The following AP2A2 variants were observed in gnomAD, a reference collection of about 807,000 sequenced individuals.
AP2A2 encodes adaptor related protein complex 2 subunit alpha 2.
AP2A2 carries 32 observed loss-of-function variants against 104.2 expected under a neutral mutation model. The ratio of observed to expected loss-of-function variants is 0.31; its 90% CI spans 0.23 to 0.41. AP2A2 has a LOEUF of 0.41. Among genes scored for constraint, AP2A2 ranks in the 10% least tolerant of loss-of-function variants. The probability of loss-of-function intolerance (pLI) is 1.00; values close to 1 mark genes in which losing one functional copy is unlikely to be tolerated. For missense variants in AP2A2, 912 were observed against 1,261.0 expected (o/e 0.72, Z 4.19); for synonymous variants, 539 against 533.3 (o/e 1.01, Z -0.15).
rs1316806178 is a variant in AP2A2, at chr11:986,789, C to G, written c.967C>G (p.Pro323Ala). Residue 323 changes from proline to alanine, a missense_variant, in exon 9 of 22, where the codon CCG becomes GCG. By Grantham distance (27) the Pro-to-Ala change is conservative (BLOSUM62 -1). Transcript: ENST00000448903. ...ISLIIHHDSEPNLLVRACNQL... is the reference protein window; with the variant it reads ...ISLIIHHDSEANLLVRACNQL... ...ACTTCCCCTCCCTCCACACAGTGAG[C>G]CGAACCTGCTCGTCCGTGCCTGCAA... The G allele has an allele frequency of 1.2e-6, 2 of 1,612,866 alleles. No individual in the cohort carries two copies. Among genetic ancestry groups the G allele is most frequent in the African/African-American group, 2.7e-5 (2 of 74,928 alleles).
intron 1 of AP2A2, among the ~76,000 whole-genome samples, chr11:927,468 T>C (rs1335707609): frequency 6.6e-6 from 1 of 150,942 alleles, no homozygotes; most frequent in East Asian, 1.9e-4. Flanking sequence ...TCCCACACTC[T>C]GTGGAAGGGT....
intron 6 of AP2A2, among the ~76,000 whole-genome samples, chr11:984,194 A>G (rs1400907705): frequency 2.0e-5 from 3 of 151,954 alleles, no homozygotes; most frequent in African/African-American, 7.3e-5. Flanking sequence ...ATGGGATGTG[A>G]GTGAGGTGGG....
intron 6 of AP2A2, among the ~76,000 whole-genome samples, chr11:981,940 G>C (rs1855256999): frequency 6.6e-6 from 1 of 152,280 alleles, no homozygotes; most frequent in Non-Finnish European, 1.5e-5. Context: ...AGCTTCCCCT[G>C]CCGTGCACAC....
chr11:1,006,077 G>A (rs1441612466), intron 16 of AP2A2, among the ~76,000 whole-genome samples: 2 of 152,260 alleles, frequency 1.3e-5, no homozygotes, highest in Non-Finnish European at 2.9e-5. Flanking sequence ...CTGACAGGAG[G>A]CAGCCGGGGC....
chr11:943,653 T>C (rs576121524), intron 1 of AP2A2, among the ~76,000 whole-genome samples: 36 of 151,970 alleles, frequency 2.4e-4, no homozygotes, highest in African/African-American at 8.7e-4. Flanking sequence ...CAACTGGAGA[T>C]GCAGGTGGCA....
chr11:977,244 G>C lies in AP2A2; in HGVS notation c.603+20G>C. ...CACTTGGTAAGCACCCTTGGCTTTG[G>C]TTCTCCCCGCTCCCCCAGGTGACCT... On this transcript the variant is annotated intron_variant, in intron 5 of 21. Transcript: ENST00000448903. 1 of 1,563,662 alleles carries C rather than the reference G, an allele frequency of 6.4e-7. No homozygotes were observed. The highest frequency in any genetic ancestry group is 1.8e-5 in the Admixed American group (1 of 56,050).
chr11:931,330 C>T (rs1414156931), intron 1 of AP2A2, among the ~76,000 whole-genome samples: 2 of 152,188 alleles, frequency 1.3e-5, no homozygotes, highest in East Asian at 1.9e-4. Flanking sequence ...AATGACATAT[C>T]TGCAGAGGAG....
At chr11:994,289 A>AC (rs746475891) in intron 14 of AP2A2, 44 bp downstream of exon 14, 14 of 1,599,404 alleles carry the variant, frequency 8.8e-6, no homozygotes, top group Non-Finnish European at 1.2e-5. Context: ...TCAGGGCCTC[A>AC]CCCCCAAGAC....
At chr11:933,953 C>G (rs1853371709) in intron 1 of AP2A2, among the ~76,000 whole-genome samples, 1 of 152,102 alleles carries the variant, frequency 6.6e-6, no homozygotes. Context: ...TTGGGGGTAT[C>G]AAGGCTTCAG....
At chr11:979,521 C>T (rs775404446) in intron 5 of AP2A2, among the ~76,000 whole-genome samples, 2 of 152,066 alleles carry the variant, frequency 1.3e-5, no homozygotes, top group Non-Finnish European at 2.9e-5. Flanking sequence ...GCTGAGGAGC[C>T]GTGGCACAGG....
chr11:1,010,578 G>A lies in AP2A2; in HGVS notation c.2773G>A (p.Glu925Lys). ...CCGGCTCACGCTGCGCACAAGTAAG[G>A]AAGCCGTTTCTCAGAGATTATGTGA... The part of the protein sequence containing the change: ...MYRLTLRTSK[E>K]AVSQRLCELL... Residue 925 changes from glutamate to lysine, a missense_variant, in exon 22 of 22, where the codon GAA becomes AAA. Around this residue, in one of 7 missense-constraint regions of AP2A2, gnomAD observed 239 missense variants for 329.8 expected, o/e 0.72. Transcript: ENST00000448903. 1 of 1,599,174 alleles carries A rather than the reference G, an allele frequency of 6.3e-7. No individual in the cohort carries two copies. Among genetic ancestry groups the A allele is most frequent in the Non-Finnish European group, 8.5e-7 (1 of 1,173,184 alleles).
At chr11:999,607 G>T (rs1316550552) in intron 14 of AP2A2, among the ~76,000 whole-genome samples, 1 of 152,164 alleles carries the variant, frequency 6.6e-6, no homozygotes, top group Non-Finnish European at 1.5e-5. Flanking sequence ...GGGATTACAG[G>T]TGTGGGGCAC....
At chr11:948,042 T>A (rs963378825) in intron 1 of AP2A2, among the ~76,000 whole-genome samples, 5 of 152,160 alleles carry the variant, frequency 3.3e-5, no homozygotes, top group Admixed American at 6.5e-5. Context: ...AGGGGGAAGT[T>A]TATAACTGTA....
In AP2A2 at chr11:972,555, G is replaced by T. The variant is rs147979992; in HGVS notation, c.473+300G>T. 2.3e-4 allele frequency among the ~76,000 whole-genome samples: 35 copies of T among 152,294 alleles called. No individual in the cohort carries two copies. In the East Asian group the frequency reaches 6.6e-3, roughly 29 times the overall value. ...ACAAACAGTTTTAAAAAATTAGCCA[G>T]TTGTGGTGGCGTGCTCCTGTCGTCC... On this transcript the variant is annotated intron_variant, in intron 4 of 21. Coordinates refer to ENST00000448903, the MANE Select transcript of AP2A2 (RefSeq NM_012305.4).
chr11:926,673 AT>A (rs960051903), intron 1 of AP2A2, among the ~76,000 whole-genome samples: 5 of 152,206 alleles, frequency 3.3e-5, no homozygotes, highest in African/African-American at 1.2e-4. Flanking sequence ...CTGGAGGCTT[AT>A]TAACCCCTGA....
At chr11:945,575 C>T (rs1467781230) in intron 1 of AP2A2, among the ~76,000 whole-genome samples, 1 of 152,116 alleles carries the variant, frequency 6.6e-6, no homozygotes, top group Non-Finnish European at 1.5e-5. Context: ...TCAGGTGATC[C>T]GCCCGCCTCG....
intron 16 of AP2A2, 111 bp downstream of exon 16, chr11:1,003,915 A>G (rs976936530): frequency 2.8e-5 from 19 of 678,828 alleles, no homozygotes; most frequent in Non-Finnish European, 4.0e-5. Flanking sequence ...ATATAAAAAG[A>G]ACTCCCATAA....
At chr11:964,773 T>C (rs1854556064) in intron 2 of AP2A2, among the ~76,000 whole-genome samples, 1 of 145,832 alleles carries the variant, frequency 6.9e-6, no homozygotes, top group Non-Finnish European at 1.5e-5. Context: ...TTAAAGGAAA[T>C]GCCAAAGGAA....
intron 2 of AP2A2, among the ~76,000 whole-genome samples, chr11:961,345 C>T (rs1455962080): frequency 3.6e-5 from 5 of 140,078 alleles, no homozygotes; most frequent in African/African-American, 2.7e-5. Flanking sequence ...CTGACAGAGT[C>T]GCCACCACCA....
Sources: gnomAD v4.1 joint callset for allele counts (sites outside exome capture counted in the v4.1 genomes callset) on GRCh38, gnomAD v4.1.1 for gene constraint, gnomAD v4.1.1 regional missense constraint, MANE v1.5 for transcripts, NCBI Gene and HGNC (gene_info 2026-07-23, HGNC 2026-07-21) for gene names.